The following SMG1 variants were observed in gnomAD, a reference collection of about 807,000 sequenced individuals.
SMG1 encodes serine/threonine-protein kinase SMG1.
A neutral mutation model predicts 419.9 loss-of-function variants in SMG1; 22 were observed. The observed-to-expected ratio is 0.05, with a 90% CI of 0.04 to 0.07. SMG1 has a LOEUF of 0.07. Among genes scored for constraint, SMG1 ranks in the 10% least tolerant of loss-of-function variants. SMG1 has a pLI of 1.00. For synonymous variants in SMG1, 1,538 were observed against 1,553.5 expected (o/e 0.99, Z 0.23); for missense variants, 3,185 against 4,342.0 (o/e 0.73, Z 7.49).
At chr16:18,828,252 T>A in intron 54 of SMG1, 84 bp from the exon 55 acceptor site, 1 of 1,367,300 alleles carries the variant, frequency 7.3e-7, no homozygotes, top group Admixed American at 2.3e-5. Flanking sequence ...AACCTAGGAC[T>A]GGCGGAAGAG....
At chr16:18,904,850 G>A (rs1277982609) in intron 1 of SMG1, among the ~76,000 whole-genome samples, 43 of 151,884 alleles carry the variant, frequency 2.8e-4, no homozygotes, top group African/African-American at 9.7e-4. Flanking sequence ...CAGGAGAATC[G>A]CTTGAATCCG....
At chr16:18,818,246 A>G (rs1289746371) in intron 56 of SMG1, among the ~76,000 whole-genome samples, 1 of 151,980 alleles carries the variant, frequency 6.6e-6, no homozygotes, top group Non-Finnish European at 1.5e-5. Context: ...TTAGCTGGGC[A>G]TGGTGGCGGG....
intron 50 of SMG1, among the ~76,000 whole-genome samples, chr16:18,833,654 T>C (rs1330775409): frequency 2.6e-5 from 4 of 152,176 alleles, no homozygotes; most frequent in African/African-American, 7.2e-5. Flanking sequence ...GGTACTTGCA[T>C]ACACTCATGA....
intron 1 of SMG1, chr16:18,925,208 T>G (rs1220812967): frequency 1.3e-5 from 2 of 152,154 alleles, no homozygotes; most frequent in African/African-American, 4.8e-5. Context: ...TATATTCAAA[T>G]CTCACTAAGC....
At chr16:18,830,489 TAAG>T (rs1202085254) in intron 51 of SMG1, 120 bp from the exon 52 acceptor site, 18 of 1,165,654 alleles carry the variant, frequency 1.5e-5, no homozygotes, top group East Asian at 2.5e-5. Context: ...CTTCTGGCAT[TAAG>T]AAGAAGTGTT....
chr16:18,845,019 G>A (rs1233983059), intron 39 of SMG1, among the ~76,000 whole-genome samples: 4 of 152,176 alleles, frequency 2.6e-5, no homozygotes, highest in South Asian at 2.1e-4. Flanking sequence ...TGTTATAAGC[G>A]ACTATTTTAT....
At chr16:18,812,233 TAATC>T (rs2031482057) in intron 60 of SMG1, 106 bp from the exon 61 acceptor site, 1 of 1,042,004 alleles carries the variant, frequency 9.6e-7, no homozygotes, top group African/African-American at 1.6e-5. Context: ...CCCAATTAAA[TAATC>T]AACTATAAAT....
At position 18,835,152 on chromosome 16, in the gene SMG1, T is replaced by C. The variant is rs56331442; in HGVS notation, c.8070A>G (p.Gln2690=). 1.5e-3 allele frequency: 2,450 copies of C among 1,607,412 alleles called. 29 individuals are homozygous for C. In the African/African-American group the frequency reaches 0.028, roughly 19 times the overall value. ...CQELYRKYEM[Q]YAPQPPPTVC... ...CTGTTGGGGGTGGCTGGGGAGCATA[T>C]TGCATTTCATATCTATAAAAATAAG... Residue 2690 remains glutamine (Q), a synonymous_variant, in exon 49 of 63, where the codon CAA becomes CAG. Transcript: ENST00000446231.
At position 18,810,702 on chromosome 16, in the gene SMG1, T is replaced by C. The variant is rs749182492; in HGVS notation, c.10909-1056A>G. Among the ~76,000 whole-genome samples, 15 of 152,156 alleles carry C rather than the reference T, an allele frequency of 9.9e-5. 1 individual carries two copies. The highest frequency in any genetic ancestry group is 3.3e-4 in the Admixed American group (5 of 15,280). On this transcript the variant is annotated intron_variant, in intron 62 of 62. Coordinates refer to ENST00000446231, the MANE Select transcript of SMG1 (RefSeq NM_015092.5). ...AGCAATAAAGGATATTTTGAGATAA[T>C]TGGAGAAATCTGAATGTGGACTGAA...
At chr16:18,809,807 T>C (rs1308238573) in intron 62 of SMG1, among the ~76,000 whole-genome samples, 161 bp from the exon 63 acceptor site, 2 of 152,104 alleles carry the variant, frequency 1.3e-5, no homozygotes, top group African/African-American at 2.4e-5. Context: ...ATGTAATAAC[T>C]ATCAGAATAA....
rs2033415933 is a variant in SMG1 at position 18,834,407 on chromosome 16, T to C, written c.8362A>G (p.Ser2788Gly). ...RNLMMEGAAS[S>G]AGEQLVDLTS... ...AGATCAACCAGCTGTTCTCCAGCACTTGACGCTGCACCTTCCATCATCAGG... is the reference window on the plus strand; with the variant it reads ...AGATCAACCAGCTGTTCTCCAGCACCTGACGCTGCACCTTCCATCATCAGG... Residue 2788 changes from serine to glycine, a missense_variant, in exon 50 of 63, where the codon AGT (serine) becomes GGT (glycine). Ser to Gly is a moderately conservative substitution (Grantham distance 56). Coordinates refer to ENST00000446231, the MANE Select transcript of SMG1 (RefSeq NM_015092.5). 1.9e-6 allele frequency: 3 copies of C among 1,613,692 alleles called. No homozygotes were observed. The highest frequency in any genetic ancestry group is 2.5e-6 in the Non-Finnish European group (3 of 1,179,848).
chr16:18,808,443 A>G lies in SMG1; in HGVS notation c.*1126T>C, dbSNP rs982488767. 1 of 152,236 alleles carries G rather than the reference A, an allele frequency of 6.6e-6. No individual in the cohort carries two copies. Among genetic ancestry groups the G allele is most frequent in the Non-Finnish European group, 1.5e-5 (1 of 68,028 alleles). 9.4% of individuals were successfully genotyped at this position (152,236 alleles called of 1,614,324 possible). A position where few individuals can be genotyped will look rare whatever the true frequency, so the allele number is the denominator to read the frequency against. ...AAAAAAATTTCAGTCTACCTCCACC[A>G]GAACATCACTTTATTGTTAATCTAT... On this transcript the variant is annotated 3_prime_UTR_variant, in exon 63 of 63. Transcript: ENST00000446231.
At chr16:18,922,884 C>T (rs998428188) in intron 1 of SMG1, among the ~76,000 whole-genome samples, 1 of 152,100 alleles carries the variant, frequency 6.6e-6, no homozygotes, top group African/African-American at 2.4e-5. Context: ...GGTTCAAGAC[C>T]AGCCTGGGCA....
intron 38 of SMG1, 87 bp downstream of exon 38, chr16:18,847,366 A>C: frequency 1.4e-6 from 2 of 1,451,168 alleles, no homozygotes; most frequent in East Asian, 2.4e-5. Flanking sequence ...TGTACACTTA[A>C]AAATTAAAAT....
rs762057039 is a variant in SMG1, at chr16:18,834,222, T to G, written c.8547A>C (p.Gly2849=). 1 of 1,597,950 alleles carries G rather than the reference T, an allele frequency of 6.3e-7. No homozygotes were observed. Among genetic ancestry groups the G allele is most frequent in the East Asian group, 2.3e-5 (1 of 44,416 alleles). The stretch of plus-strand genomic sequence containing the variant: ...TGTTCACCTGAAGTGAGGTATACAC[T>G]CCATTGGCTAAGTGAACTGTCTCAG... ...EASETVHLAN[G]VYTSLQELNS... The change falls in exon 50 of 63, where the codon GGA becomes GGC. Residue 2849 remains glycine (G), a synonymous_variant. Coordinates refer to ENST00000446231, the MANE Select transcript of SMG1 (RefSeq NM_015092.5).
chr16:18,921,357 A>G (rs1251430706), intron 1 of SMG1, among the ~76,000 whole-genome samples: 1 of 151,410 alleles, frequency 6.6e-6, no homozygotes, highest in Non-Finnish European at 1.5e-5. Context: ...AAACAGAGGA[A>G]AGAAAAGAAA....
chr16:18,829,183 A>C lies in SMG1; in HGVS notation c.9603+103T>G. ...GTTTGCATTGGGTTGCTGTGAGTTC[A>C]GGAAGTTTTAAAAAAATTTCTGTGT... On this transcript the variant is annotated intron_variant, in intron 54 of 62. Coordinates refer to ENST00000446231, the MANE Select transcript of SMG1 (RefSeq NM_015092.5). The C allele has an allele frequency of 5.2e-6, 5 of 960,394 alleles. No homozygotes were observed. In the South Asian group the frequency reaches 7.0e-5, roughly 13 times the overall value. 59.5% of individuals were successfully genotyped at this position (960,394 alleles called of 1,614,324 possible).
intron 1 of SMG1, among the ~76,000 whole-genome samples, chr16:18,919,417 G>T (rs1275569780): frequency 6.6e-6 from 1 of 151,300 alleles, no homozygotes; most frequent in Non-Finnish European, 1.5e-5. Context: ...GACATCAGAA[G>T]ATCAAGACCA....
chr16:18,871,021 T>A, intron 16 of SMG1, 133 bp from the exon 17 acceptor site: 1 of 630,282 alleles, frequency 1.6e-6, no homozygotes, highest in South Asian at 2.0e-5. Flanking sequence ...ACTACTCTTG[T>A]CCAGAATTCT....
Sources: gnomAD v4.1 joint callset for allele counts (sites outside exome capture counted in the v4.1 genomes callset) on GRCh38, gnomAD v4.1.1 for gene constraint, MANE v1.5 for transcripts, NCBI Gene and HGNC (gene_info 2026-07-23, HGNC 2026-07-21) for gene names.